Variants in PLEKHG1 observed in about 807,000 individuals in gnomAD.
PLEKHG1 encodes pleckstrin homology domain-containing family G member 1.
In PLEKHG1, 44 loss-of-function variants were observed where a neutral mutation model predicts 100.8. The observed-to-expected ratio is 0.44, with a 90% CI of 0.34 to 0.56. The LOEUF is 0.56. Among genes scored for constraint, PLEKHG1 ranks in the 20% least tolerant of loss-of-function variants. The pLI is 0.01. For missense variants in PLEKHG1, 1,545 were observed against 1,720.9 expected (o/e 0.90, Z 1.81); for synonymous variants, 640 against 662.5 (o/e 0.97, Z 0.52).
At chr6:150,750,736 C>G (rs1051002156) in intron 2 of PLEKHG1, among the ~76,000 whole-genome samples, 21 of 138,096 alleles carry the variant, frequency 1.5e-4, no homozygotes, top group Non-Finnish European at 2.9e-4. Flanking sequence ...AGCCGAGATC[C>G]CGCCACTGCA....
Position 150,749,856 on chromosome 6 carries a change from G to A in PLEKHG1, c.411+15764G>A, listed in dbSNP as rs560975767. ...TGGGAGGCCAGGGTGGGTGGATCAC[G>A]AGGTCAGGAGTTCGAGAACAGCCTG... On this transcript the variant is annotated intron_variant, in intron 2 of 15. Transcript: ENST00000358517. Among the ~76,000 whole-genome samples, 6 of 152,176 alleles carry A rather than the reference G, an allele frequency of 3.9e-5. 1 individual carries two copies. The South Asian group carries it at 1.0e-3, about 26-fold the overall frequency.
intron 2 of PLEKHG1, among the ~76,000 whole-genome samples, chr6:150,643,156 T>G (rs1778341808): frequency 6.6e-6 from 1 of 152,194 alleles, no homozygotes; most frequent in Non-Finnish European, 1.5e-5. Context: ...AGTATTAGAA[T>G]TAATTATCCT....
At chr6:150,798,839 C>G (rs1403020255) in intron 5 of PLEKHG1, among the ~76,000 whole-genome samples, 1 of 152,166 alleles carries the variant, frequency 6.6e-6, no homozygotes, top group Non-Finnish European at 1.5e-5. Flanking sequence ...CTCCTGGGTT[C>G]AAGCAATTCT....
intron 3 of PLEKHG1, chr6:150,664,549 C>T (rs1307262681): frequency 6.6e-6 from 1 of 152,210 alleles, no homozygotes; most frequent in South Asian, 2.1e-4. Context: ...ATCTGTGAAT[C>T]CCTGGCTCTT....
chr6:150,782,875 G>C (rs1397849776), intron 3 of PLEKHG1, among the ~76,000 whole-genome samples: 1 of 152,066 alleles, frequency 6.6e-6, no homozygotes, highest in African/African-American at 2.4e-5. Context: ...AATATGAAAG[G>C]ACAAATGAAG....
chr6:150,709,080 T>G (rs973318001), intron 3 of PLEKHG1, among the ~76,000 whole-genome samples: 1 of 152,152 alleles, frequency 6.6e-6, no homozygotes, highest in Non-Finnish European at 1.5e-5. Flanking sequence ...ATGCCTGTAA[T>G]CCCAACACTT....
At chr6:150,623,273 G>A (rs1200212288) in intron 1 of PLEKHG1, among the ~76,000 whole-genome samples, 2 of 152,154 alleles carry the variant, frequency 1.3e-5, no homozygotes, top group Non-Finnish European at 2.9e-5. Context: ...ATTTCATTTT[G>A]CAAGTTAAAT....
intron 3 of PLEKHG1, among the ~76,000 whole-genome samples, chr6:150,782,571 C>T (rs1473704094): frequency 1.3e-5 from 2 of 152,124 alleles, no homozygotes; most frequent in African/African-American, 4.8e-5. Flanking sequence ...CCTCCTTTTC[C>T]AGTGACATAT....
chr6:150,725,662 C>T (rs1781925100), intron 1 of PLEKHG1, among the ~76,000 whole-genome samples: 1 of 151,812 alleles, frequency 6.6e-6, no homozygotes. Flanking sequence ...TCTCACTTGT[C>T]TGTTTTTGCT....
intron 4 of PLEKHG1, among the ~76,000 whole-genome samples, chr6:150,790,071 G>T (rs560844213): frequency 3.3e-5 from 5 of 152,040 alleles, no homozygotes; most frequent in Admixed American, 3.3e-4. Context: ...CCCAGGCTGG[G>T]GTGCAGTGGT....
intron 5 of PLEKHG1, 104 bp downstream of exon 6, chr6:150,796,006 G>A: frequency 1.3e-6 from 1 of 743,884 alleles, no homozygotes; most frequent in Non-Finnish European, 2.4e-6. Flanking sequence ...GCCTGGCCTT[G>A]TGCTGAATAC....
chr6:150,708,082 T>C (rs1781098293), intron 3 of PLEKHG1, among the ~76,000 whole-genome samples: 1 of 152,182 alleles, frequency 6.6e-6, no homozygotes, highest in South Asian at 2.1e-4. Flanking sequence ...CTTTTCCTTA[T>C]GGGAAAAGGA....
intron 3 of PLEKHG1, among the ~76,000 whole-genome samples, chr6:150,655,562 G>T (rs1370942880): frequency 1.3e-5 from 2 of 151,960 alleles, no homozygotes; most frequent in Non-Finnish European, 2.9e-5. Flanking sequence ...CGAAAGATTA[G>T]CTGGCCATGG....
chr6:150,721,558 C>T (rs960221691), intron 1 of PLEKHG1, among the ~76,000 whole-genome samples: 4 of 152,104 alleles, frequency 2.6e-5, no homozygotes, highest in African/African-American at 4.8e-5. Flanking sequence ...TGTCACGCGC[C>T]GAATGCCCAA....
rs368948703 is a variant in PLEKHG1, at chr6:150,839,824, G to A, written c.3095-9G>A. 19 of 1,518,546 alleles carry A rather than the reference G, an allele frequency of 1.3e-5. No homozygotes were observed. The highest frequency in any genetic ancestry group is 1.7e-5 in the Non-Finnish European group (19 of 1,095,886). 94.1% of individuals were successfully genotyped at this position (1,518,546 alleles called of 1,614,324 possible). On this transcript the variant is annotated splice_polypyrimidine_tract_variant and intron_variant, in intron 15 of 15. Transcript: ENST00000358517. ...GTGTGTATTTACTGTTTCAATATTT[G>A]CCTTCCAGGTGCCAGGATTGCTGAG...
chr6:150,830,846 G>C (rs1583214080), exon 15 of PLEKHG1: 1 of 1,614,076 alleles, frequency 6.2e-7, no homozygotes, highest in Admixed American at 1.7e-5. Context: ...ACTATGTGAA[G>C]ATAGCACTTC....
At chr6:150,677,868 C>T (rs1027114647) in intron 3 of PLEKHG1, among the ~76,000 whole-genome samples, 8 of 151,428 alleles carry the variant, frequency 5.3e-5, no homozygotes, top group African/African-American at 1.5e-4. Flanking sequence ...CAGAGTGAGA[C>T]CCTGTCTCCA....
intron 3 of PLEKHG1, among the ~76,000 whole-genome samples, chr6:150,780,483 C>A (rs1446716778): frequency 6.6e-6 from 1 of 152,028 alleles, no homozygotes; most frequent in Admixed American, 6.6e-5. Flanking sequence ...GATGTGATTT[C>A]GACTCTCCTT....
chr6:150,699,647 T>C (rs1780687371), intron 3 of PLEKHG1, among the ~76,000 whole-genome samples: 1 of 152,196 alleles, frequency 6.6e-6, no homozygotes, highest in Admixed American at 6.5e-5. Flanking sequence ...AGTCATACCA[T>C]AGGCCTATTA....
Sources: gnomAD v4.1 joint callset for allele counts (sites outside exome capture counted in the v4.1 genomes callset) on GRCh38, gnomAD v4.1.1 for gene constraint, MANE v1.5 for transcripts, NCBI Gene and HGNC (gene_info 2026-07-23, HGNC 2026-07-21) for gene names.